Variants in LRMDA observed in about 807,000 individuals in gnomAD.
LRMDA encodes leucine rich melanocyte differentiation associated.
Under a neutral mutation model 29.8 loss-of-function variants are expected in LRMDA, and 18 were observed. The observed-to-expected ratio is 0.60, with a 90% CI of 0.42 to 0.90. LRMDA has a LOEUF of 0.90. Ranked by LOEUF, LRMDA falls within the 40% of genes least tolerant of loss-of-function variation. LRMDA has a pLI of 0.00. For missense variants in LRMDA, 273 were observed against 273.9 expected (o/e 1.00, Z 0.02); for synonymous variants, 125 against 109.4 (o/e 1.14, Z -0.89).
intron 2 of LRMDA, among the ~76,000 whole-genome samples, chr10:75,441,917 C>G (rs1844330807): frequency 6.6e-6 from 1 of 152,134 alleles, no homozygotes; most frequent in African/African-American, 2.4e-5. Flanking sequence ...GCAAGGAGTT[C>G]TGTTTATTCA....
At chr10:75,513,415 C>G (rs1204835541) in intron 2 of LRMDA, among the ~76,000 whole-genome samples, 1 of 152,184 alleles carries the variant, frequency 6.6e-6, no homozygotes, top group Non-Finnish European at 1.5e-5. Flanking sequence ...CAGTGTGCCT[C>G]TCTGTGTTTT....
At chr10:75,652,661 G>T (rs554713697) in intron 2 of LRMDA, among the ~76,000 whole-genome samples, 2 of 152,242 alleles carry the variant, frequency 1.3e-5, no homozygotes, top group South Asian at 4.2e-4. Flanking sequence ...GTCTTCCGGT[G>T]AGTTCCTTTG....
At chr10:75,887,776 G>C (rs1270627578) in intron 2 of LRMDA, among the ~76,000 whole-genome samples, 1 of 152,118 alleles carries the variant, frequency 6.6e-6, no homozygotes, top group East Asian at 1.9e-4. Context: ...AAGGCAGGGG[G>C]TCTTCATTTG....
intron 2 of LRMDA, among the ~76,000 whole-genome samples, chr10:75,810,939 A>G (rs117252137): frequency 5.3e-5 from 8 of 152,300 alleles, no homozygotes; most frequent in Admixed American, 1.3e-4. Context: ...TGAGAATAAT[A>G]TGGCTAAGAG....
chr10:76,327,343 G>A (rs1466635340), intron 6 of LRMDA, among the ~76,000 whole-genome samples: 20 of 151,912 alleles, frequency 1.3e-4, no homozygotes, highest in Admixed American at 5.3e-4. Context: ...CACCTGCCTC[G>A]GCCTCCCAAA....
intron 5 of LRMDA, among the ~76,000 whole-genome samples, chr10:76,124,527 A>C (rs2132128316): frequency 6.6e-6 from 1 of 152,366 alleles, no homozygotes; most frequent in Admixed American, 6.5e-5. Context: ...GTTCTTATCA[A>C]ATCAAAATGC....
intron 5 of LRMDA, among the ~76,000 whole-genome samples, chr10:76,233,780 T>G (rs1055717025): frequency 2.0e-5 from 3 of 152,210 alleles, no homozygotes; most frequent in Non-Finnish European, 4.4e-5. Flanking sequence ...TTTAAAAGCT[T>G]TATCATGAAG....
intron 5 of LRMDA, among the ~76,000 whole-genome samples, chr10:76,311,350 C>G (rs939067844): frequency 8.1e-4 from 118 of 145,188 alleles, no homozygotes; most frequent in Non-Finnish European, 1.0e-3. Flanking sequence ...TTAATTTTTT[C>G]TAATATGAAG....
intron 6 of LRMDA, among the ~76,000 whole-genome samples, chr10:76,350,878 C>A (rs1476686702): frequency 6.6e-6 from 1 of 152,008 alleles, no homozygotes; most frequent in Admixed American, 6.6e-5. Flanking sequence ...TATAAATGGG[C>A]ACTTGAGATG....
intron 6 of LRMDA, among the ~76,000 whole-genome samples, chr10:76,380,199 G>A (rs1841572628): frequency 6.6e-6 from 1 of 152,114 alleles, no homozygotes; most frequent in African/African-American, 2.4e-5. Context: ...TGGGTAGAAT[G>A]TTCTGTAAAT....
chr10:75,745,610 C>T (rs757619174), intron 2 of LRMDA, among the ~76,000 whole-genome samples: 1 of 152,160 alleles, frequency 6.6e-6, no homozygotes, highest in East Asian at 1.9e-4. Flanking sequence ...TTATCATTTC[C>T]TATCGCTCTG....
intron 5 of LRMDA, among the ~76,000 whole-genome samples, chr10:76,090,145 G>A (rs1315538394): frequency 6.6e-6 from 1 of 152,166 alleles, no homozygotes; most frequent in Non-Finnish European, 1.5e-5. Flanking sequence ...CTGTATATGG[G>A]GGAATGTCTC....
At chr10:76,549,362 A>G (rs1172955429) in intron 6 of LRMDA, among the ~76,000 whole-genome samples, 2 of 152,114 alleles carry the variant, frequency 1.3e-5, no homozygotes, top group African/African-American at 4.8e-5. Context: ...AGTGGGTGAG[A>G]CTTGACAAGG....
At chr10:75,875,294 G>C (rs1225486049) in intron 2 of LRMDA, among the ~76,000 whole-genome samples, 1 of 152,228 alleles carries the variant, frequency 6.6e-6, no homozygotes, top group African/African-American at 2.4e-5. Context: ...CCCTCTGGGA[G>C]CTGCTGGTTT....
chr10:76,285,022 G>A (rs1317197783), intron 5 of LRMDA, among the ~76,000 whole-genome samples: 3 of 152,136 alleles, frequency 2.0e-5, no homozygotes, highest in Non-Finnish European at 4.4e-5. Context: ...AGATAATACA[G>A]GGATGCTTTT....
intron 2 of LRMDA, among the ~76,000 whole-genome samples, chr10:75,649,890 A>T (rs965810366): frequency 6.6e-6 from 1 of 152,130 alleles, no homozygotes; most frequent in African/African-American, 2.4e-5. Flanking sequence ...GAATGCCTTT[A>T]CATGTACTTA....
intron 2 of LRMDA, among the ~76,000 whole-genome samples, chr10:75,860,406 C>G (rs1253146244): frequency 6.8e-6 from 1 of 146,362 alleles, no homozygotes; most frequent in Non-Finnish European, 1.5e-5. Context: ...ACTGCAACCT[C>G]TGCCTCCCAG....
At chr10:75,626,778 C>T (rs1216520178) in intron 2 of LRMDA, among the ~76,000 whole-genome samples, 1 of 152,142 alleles carries the variant, frequency 6.6e-6, no homozygotes, top group Non-Finnish European at 1.5e-5. Flanking sequence ...GCCTGTATGG[C>T]CTGATGGTTG....
intron 6 of LRMDA, among the ~76,000 whole-genome samples, chr10:76,434,025 T>A (rs1295720503): frequency 6.6e-6 from 1 of 152,214 alleles, no homozygotes; most frequent in East Asian, 1.9e-4. Flanking sequence ...TTTGCTTTTT[T>A]AAAGGCTCTT....
Sources: gnomAD v4.1 joint callset for allele counts (sites outside exome capture counted in the v4.1 genomes callset) on GRCh38, gnomAD v4.1.1 for gene constraint, MANE v1.5 for transcripts, NCBI Gene and HGNC (gene_info 2026-07-23, HGNC 2026-07-21) for gene names.